Variants in ALDH4A1 observed in about 807,000 individuals in gnomAD.
ALDH4A1 encodes the protein delta-1-pyrroline-5-carboxylate dehydrogenase, mitochondrial.
In ALDH4A1, 46 loss-of-function variants were observed where a neutral mutation model predicts 70.5. That is an observed-to-expected ratio of 0.65 (90% CI 0.51 to 0.83). The LOEUF is 0.83. Ranked by LOEUF, ALDH4A1 falls within the 40% of genes least tolerant of loss-of-function variation. The pLI is 0.00. For missense variants in ALDH4A1, 749 were observed against 766.5 expected (o/e 0.98, Z 0.27); for synonymous variants, 323 against 324.3 (o/e 1.00, Z 0.04).
intron 1 of ALDH4A1, among the ~76,000 whole-genome samples, chr1:18,894,865 C>CTTTTTTTTTTTTTTTTTTTTTT (rs34445898): frequency 3.6e-5 from 4 of 109,966 alleles, no homozygotes; most frequent in Non-Finnish European, 5.5e-5. Flanking sequence ...TTCTTTCTTT[C>CTTTTTTTTTTTTTTTTTTTTTT]TTTTTTTTTT....
At chr1:18,877,313 A>G (rs1569728410) in intron 10 of ALDH4A1, 58 bp from the exon 11 acceptor site, 6 of 1,565,860 alleles carry the variant, frequency 3.8e-6, no homozygotes, top group African/African-American at 1.4e-5. Flanking sequence ...ACCAAGGGAG[A>G]CCCCTCCCCG....
chr1:18,886,540 C>T, intron 3 of ALDH4A1, 29 bp from the exon 4 acceptor site: 1 of 1,612,680 alleles, frequency 6.2e-7, no homozygotes, highest in South Asian at 1.1e-5. Context: ...GAGGTCCTTG[C>T]CCGGGAGGGA....
At chr1:18,874,693 G>A (rs1342208936) in intron 13 of ALDH4A1, 112 bp from the exon 14 acceptor site, 5 of 1,023,056 alleles carry the variant, frequency 4.9e-6, no homozygotes, top group Non-Finnish European at 6.1e-6. Context: ...TTCAACAGGA[G>A]GCCGAGTCAG....
intron 1 of ALDH4A1, 89 bp downstream of exon 1, chr1:18,902,373 G>A: frequency 8.9e-7 from 1 of 1,119,498 alleles, no homozygotes; most frequent in Non-Finnish European, 1.2e-6. Flanking sequence ...CGGCAGGGAG[G>A]GAGTGCGGCG....
chr1:18,875,814 A>G (rs1274698334), intron 12 of ALDH4A1, among the ~76,000 whole-genome samples: 1 of 152,194 alleles, frequency 6.6e-6, no homozygotes, highest in Non-Finnish European at 1.5e-5. Context: ...AGCAGCTGGC[A>G]TGAGAGTTGC....
At chr1:18,888,104 A>G (rs1935290937) in intron 3 of ALDH4A1, among the ~76,000 whole-genome samples, 1 of 152,254 alleles carries the variant, frequency 6.6e-6, no homozygotes, top group African/African-American at 2.4e-5. Flanking sequence ...CACATGCTCA[A>G]CAACCACACG....
chr1:18,894,791 G>A (rs2100605598), intron 1 of ALDH4A1, among the ~76,000 whole-genome samples: 2 of 151,722 alleles, frequency 1.3e-5, no homozygotes, highest in East Asian at 3.9e-4. Flanking sequence ...TCAAAGTTCA[G>A]CCTGAGTCGA....
chr1:18,877,093 C>A, intron 11 of ALDH4A1, 115 bp downstream of exon 11: 1 of 1,345,132 alleles, frequency 7.4e-7, no homozygotes, highest in South Asian at 1.3e-5. Context: ...CTGCCTTGAT[C>A]AAAGCAGTGG....
intron 13 of ALDH4A1, among the ~76,000 whole-genome samples, chr1:18,875,064 G>A (rs1221134499): frequency 2.0e-5 from 3 of 152,246 alleles, no homozygotes; most frequent in African/African-American, 7.2e-5. Flanking sequence ...TGTAGCATGG[G>A]ACAATCACCT....
intron 5 of ALDH4A1, among the ~76,000 whole-genome samples, chr1:18,884,639 A>G (rs1203624537): frequency 6.6e-6 from 1 of 152,206 alleles, no homozygotes; most frequent in Non-Finnish European, 1.5e-5. Flanking sequence ...AAAAAGACCG[A>G]GAATGTCAAG....
rs1425492961 is a variant in ALDH4A1 at position 18,880,952 on chromosome 1, T to A, written c.866+748A>T. ...ATAAAGGCCAGACACCTTTGCAGACTCCTAAGTATCTTATGGTCACTGAAC... is the reference window on the plus strand; with the variant it reads ...ATAAAGGCCAGACACCTTTGCAGACACCTAAGTATCTTATGGTCACTGAAC... On this transcript the variant is annotated intron_variant, in intron 8 of 14. Coordinates refer to ENST00000375341, the MANE Select transcript of ALDH4A1 (RefSeq NM_003748.4). This position sits in a 1 kb window ranked among gnomAD's most constrained non-coding sequence, Gnocchi z 5.1. Among the ~76,000 whole-genome samples the A allele has an allele frequency of 1.3e-5, 2 of 152,142 alleles. No homozygotes were observed. Among genetic ancestry groups the A allele is most frequent in the South Asian group, 4.1e-4 (2 of 4,822 alleles).
intron 8 of ALDH4A1, 39 bp downstream of exon 8, chr1:18,881,661 C>T: frequency 3.7e-6 from 4 of 1,078,530 alleles, no homozygotes; most frequent in Non-Finnish European, 5.0e-6. Flanking sequence ...GGTGAACGTC[C>T]CCTAGCCACC....
chr1:18,901,167 G>A (rs1347077260), intron 1 of ALDH4A1, among the ~76,000 whole-genome samples: 1 of 152,152 alleles, frequency 6.6e-6, no homozygotes, highest in Non-Finnish European at 1.5e-5. Flanking sequence ...GCCTGCAAAC[G>A]GGATCACACA....
chr1:18,886,440 C>T (rs761428513), intron 4 of ALDH4A1, 24 bp downstream of exon 4: 123 of 1,613,804 alleles, frequency 7.6e-5, no homozygotes, highest in Admixed American at 6.2e-4. Flanking sequence ...AACCCCGGGT[C>T]ACCAGGCACA....
chr1:18,901,128 A>G (rs1450371739), intron 1 of ALDH4A1, among the ~76,000 whole-genome samples: 1 of 152,178 alleles, frequency 6.6e-6, no homozygotes, highest in Non-Finnish European at 1.5e-5. Context: ...TATAAGCTCC[A>G]TCTTCCTGAG....
intron 5 of ALDH4A1, among the ~76,000 whole-genome samples, chr1:18,884,971 C>T (rs1935134526): frequency 6.6e-6 from 1 of 152,132 alleles, no homozygotes; most frequent in African/African-American, 2.4e-5. Flanking sequence ...ATGGGCAGGA[C>T]AGCTTGGCAG....
In ALDH4A1 at chr1:18,890,016, T is replaced by C. The variant is rs780418351; in HGVS notation, c.152A>G (p.Gln51Arg). ...TQGSPERDAL[Q>R]KALKDLKGRM... ...TGCCTCCCACCCTCCCATTACCTTT[T>C]GCAGGGCATCTCGCTCAGGGCTGCC... Residue 51 changes from glutamine to arginine, a missense_variant, in exon 2 of 15, where the codon CAA becomes CGA. Gln to Arg is a conservative substitution (Grantham distance 43). Coordinates refer to ENST00000375341, the MANE Select transcript of ALDH4A1 (RefSeq NM_003748.4). The C allele has an allele frequency of 6.2e-7, 1 of 1,607,086 alleles. No homozygotes were observed. The highest frequency in any genetic ancestry group is 8.5e-7 in the Non-Finnish European group (1 of 1,176,738).
intron 1 of ALDH4A1, among the ~76,000 whole-genome samples, chr1:18,897,623 T>C (rs1472092037): frequency 1.3e-5 from 2 of 152,230 alleles, no homozygotes; most frequent in Non-Finnish European, 2.9e-5. Flanking sequence ...GAATGATCTG[T>C]TTACGGATGA....
intron 1 of ALDH4A1, among the ~76,000 whole-genome samples, chr1:18,902,140 A>T (rs1260374184): frequency 6.6e-6 from 1 of 152,094 alleles, no homozygotes; most frequent in Non-Finnish European, 1.5e-5. Context: ...CAGTATTAGG[A>T]GTGAGGTGAG....
Sources: allele counts gnomAD v4.1 joint callset (sites outside exome capture counted in the v4.1 genomes callset), GRCh38; gene constraint gnomAD v4.1.1; non-coding constraint Gnocchi (gnomAD v3.1); transcripts MANE v1.5; gene names NCBI Gene and HGNC (gene_info 2026-07-23, HGNC 2026-07-21).